Variants in TMEM184B observed in about 807,000 individuals in gnomAD.
TMEM184B encodes the protein transmembrane protein 184B.
TMEM184B carries 17 observed loss-of-function variants against 41.8 expected under a neutral mutation model. That is an observed-to-expected ratio of 0.41 (90% CI 0.28 to 0.61). The LOEUF (loss-of-function observed/expected upper bound fraction) is 0.61, where lower values mean the gene tolerates loss of function less well. TMEM184B is among the 20% of genes least tolerant of loss of function. TMEM184B has a pLI of 0.34. For synonymous variants in TMEM184B, 240 were observed against 229.5 expected (o/e 1.05, Z -0.41); for missense variants, 393 against 557.8 (o/e 0.70, Z 2.98).
intron 1 of TMEM184B, 92 bp downstream of exon 1, chr22:38,272,792 C>T (rs2145808610): frequency 1.0e-6 from 1 of 981,026 alleles, no homozygotes; most frequent in South Asian, 4.7e-5. Flanking sequence ...GGGCGTCCCT[C>T]GCGCGGGCCT....
At chr22:38,255,555 G>A (rs988576123) in intron 1 of TMEM184B, among the ~76,000 whole-genome samples, 1 of 152,182 alleles carries the variant, frequency 6.6e-6, no homozygotes, top group Non-Finnish European at 1.5e-5. Context: ...GAATGAAAAC[G>A]TATATTCACA....
intron 3 of TMEM184B, among the ~76,000 whole-genome samples, chr22:38,237,207 A>G (rs2091795352): frequency 6.6e-6 from 1 of 152,122 alleles, no homozygotes; most frequent in African/African-American, 2.4e-5. Context: ...ACAAGGAAGG[A>G]GTTATCCCCG....
chr22:38,219,758 G>C lies in TMEM184B; in HGVS notation c.*1711C>G. ...GGAAGCCACGGTGGAGAGACAGCTTGGTGAAAGCAGATGGCGGGGCAGGGC... is the reference window on the plus strand; with the variant it reads ...GGAAGCCACGGTGGAGAGACAGCTTCGTGAAAGCAGATGGCGGGGCAGGGC... On this transcript the variant is annotated 3_prime_UTR_variant, in exon 9 of 9. Transcript: ENST00000361906. 2.0e-6 allele frequency: 2 copies of C among 985,690 alleles called. No homozygotes were observed. Among genetic ancestry groups the C allele is most frequent in the Non-Finnish European group, 2.4e-6 (2 of 830,104 alleles). 61.1% of individuals were successfully genotyped at this position (985,690 alleles called of 1,614,324 possible). A position where few individuals can be genotyped will look rare whatever the true frequency, so the allele number is the denominator to read the frequency against.
intron 3 of TMEM184B, among the ~76,000 whole-genome samples, chr22:38,244,039 A>C (rs1260746506): frequency 1.3e-5 from 2 of 152,190 alleles, no homozygotes; most frequent in Non-Finnish European, 2.9e-5. Context: ...GCACGTATCA[A>C]GCCCTTGAGG....
intron 3 of TMEM184B, among the ~76,000 whole-genome samples, chr22:38,242,957 G>A (rs1213430103): frequency 6.6e-6 from 1 of 151,734 alleles, no homozygotes. Context: ...AGCTACTCGG[G>A]AGGCTGAGGC....
chr22:38,263,101 T>C (rs1368188662), intron 1 of TMEM184B, among the ~76,000 whole-genome samples: 1 of 152,024 alleles, frequency 6.6e-6, no homozygotes, highest in Non-Finnish European at 1.5e-5. Context: ...TGGGGTTTCA[T>C]CATGTTGGCC....
chr22:38,269,150 T>G (rs925730236), intron 1 of TMEM184B, among the ~76,000 whole-genome samples: 3 of 152,184 alleles, frequency 2.0e-5, no homozygotes, highest in African/African-American at 7.2e-5. Context: ...CATCTCCCAA[T>G]TCTCTCTCTG....
chr22:38,268,475 G>A (rs534789299), intron 1 of TMEM184B, among the ~76,000 whole-genome samples: 6 of 152,036 alleles, frequency 3.9e-5, no homozygotes, highest in African/African-American at 1.2e-4. Flanking sequence ...AGGCCAAGGG[G>A]AGGGAATGAT....
chr22:38,243,496 T>G (rs1466792667), intron 3 of TMEM184B, among the ~76,000 whole-genome samples: 1 of 152,178 alleles, frequency 6.6e-6, no homozygotes, highest in South Asian at 2.1e-4. Context: ...TGGGTACCCA[T>G]GCGAGGCTGG....
intron 1 of TMEM184B, among the ~76,000 whole-genome samples, chr22:38,255,764 ACCAG>A (rs2092266947): frequency 1.3e-5 from 2 of 152,356 alleles, no homozygotes; most frequent in African/African-American, 4.8e-5. Context: ...ATTTTGTGAA[ACCAG>A]CCAATCTCAA....
rs754554987 is a variant in TMEM184B at position 38,226,878 on chromosome 22, G to C, written c.526-8C>G. The C allele has an allele frequency of 6.3e-7, 1 of 1,580,414 alleles. No homozygotes were observed. The highest frequency in any genetic ancestry group is 1.4e-5 in the African/African-American group (1 of 73,898). ...ACAGAACTGCAGGGTGGCCTGTTGGGGGGAAAAGGAGGTTGAGTGTGGAGG... is the reference window on the plus strand; with the variant it reads ...ACAGAACTGCAGGGTGGCCTGTTGGCGGGAAAAGGAGGTTGAGTGTGGAGG... On this transcript the variant is annotated splice_polypyrimidine_tract_variant and splice_region_variant and intron_variant, in intron 5 of 8. Transcript: ENST00000361906. This position sits in a 1 kb window ranked among gnomAD's most constrained non-coding sequence, Gnocchi z 4.6.
At chr22:38,251,897 T>G (rs1422806127) in intron 1 of TMEM184B, among the ~76,000 whole-genome samples, 4 of 76,920 alleles carry the variant, frequency 5.2e-5, no homozygotes, top group Non-Finnish European at 9.1e-5. Flanking sequence ...GATGATGCTG[T>G]TTTTTTTTTT....
intron 8 of TMEM184B, chr22:38,223,459 C>A (rs1157841109): frequency 6.6e-6 from 1 of 152,412 alleles, no homozygotes; most frequent in Non-Finnish European, 1.5e-5. Flanking sequence ...CAACCCCTGG[C>A]CTTTGTGCAC....
chr22:38,219,801 C>T lies in TMEM184B; in HGVS notation c.*1668G>A. ...GGCAGGGCCAGGGCTGGTCCTCAGC[C>T]TGTGTCTGCACCCACCCTCCCGGGC... On this transcript the variant is annotated 3_prime_UTR_variant, in exon 9 of 9. Coordinates refer to ENST00000361906, the MANE Select transcript of TMEM184B (RefSeq NM_012264.5). The T allele has an allele frequency of 1.0e-6, 1 of 985,542 alleles. No individual in the cohort carries two copies. The highest frequency in any genetic ancestry group is 1.2e-6 in the Non-Finnish European group (1 of 830,002). The allele number at this position is 985,542 out of a possible 1,614,324, so 61.0% of individuals were successfully genotyped here.
intron 1 of TMEM184B, among the ~76,000 whole-genome samples, chr22:38,260,935 C>T (rs770762260): frequency 6.6e-6 from 1 of 152,226 alleles, no homozygotes; most frequent in Non-Finnish European, 1.5e-5. Context: ...AACTGGCAAC[C>T]CGTTCACATA....
intron 1 of TMEM184B, among the ~76,000 whole-genome samples, chr22:38,265,854 A>T (rs2006730): frequency 6.6e-6 from 1 of 152,064 alleles, no homozygotes; most frequent in South Asian, 2.1e-4. Context: ...CAGTAGCTAC[A>T]GCGGCGCCAT....
At chr22:38,243,401 C>T (rs2091958571) in intron 3 of TMEM184B, among the ~76,000 whole-genome samples, 1 of 152,190 alleles carries the variant, frequency 6.6e-6, no homozygotes. Context: ...AGAGCCCACA[C>T]TTGTCCCCCG....
chr22:38,226,956 C>G lies in TMEM184B; in HGVS notation c.526-86G>C. The G allele has an allele frequency of 2.2e-6, 3 of 1,342,542 alleles. No homozygotes were observed. The highest frequency in any genetic ancestry group is 4.0e-5 in the Admixed American group (2 of 49,844). 83.2% of individuals were successfully genotyped at this position (1,342,542 alleles called of 1,614,324 possible). A position where few individuals can be genotyped will look rare whatever the true frequency, so the allele number is the denominator to read the frequency against. ...CTGCCTCTGGCAGACGGAACTGTAC[C>G]GGATGGAGGGACAGAGAGGATGAAG... is the stretch of plus-strand genomic sequence containing the variant. On this transcript the variant is annotated intron_variant, in intron 5 of 8. Coordinates refer to ENST00000361906, the MANE Select transcript of TMEM184B (RefSeq NM_012264.5). This position sits in a 1 kb window ranked among gnomAD's most constrained non-coding sequence, Gnocchi z 4.6.
chr22:38,259,396 T>C (rs2092334628), intron 1 of TMEM184B, among the ~76,000 whole-genome samples: 1 of 152,094 alleles, frequency 6.6e-6, no homozygotes, highest in African/African-American at 2.4e-5. Context: ...GAATTAAGGG[T>C]CCTGAAATGA....
Sources: gnomAD v4.1 joint callset for allele counts (sites outside exome capture counted in the v4.1 genomes callset) on GRCh38, gnomAD v4.1.1 for gene constraint, Gnocchi (gnomAD v3.1) non-coding constraint, MANE v1.5 for transcripts, NCBI Gene and HGNC (gene_info 2026-07-23, HGNC 2026-07-21) for gene names.